AFDN: variants seen among roughly 807,000 people sequenced by gnomAD.
AFDN encodes the protein afadin.
A neutral mutation model predicts 216.6 loss-of-function variants in AFDN; 68 were observed. That is an observed-to-expected ratio of 0.31 (90% CI 0.26 to 0.38). The LOEUF (loss-of-function observed/expected upper bound fraction) is 0.38. AFDN is among the 10% of genes least tolerant of loss of function. The pLI is 1.00. For synonymous variants in AFDN, 868 were observed against 853.7 expected, an observed-to-expected ratio of 1.02 and a Z score of -0.29; for missense variants, 2,136 against 2,342.0, an observed-to-expected ratio of 0.91 and a Z score of 1.82.
intron 23 of AFDN, among the ~76,000 whole-genome samples, chr6:167,928,316 G>GA (rs1792833940): frequency 6.6e-6 from 1 of 152,182 alleles, no homozygotes; most frequent in Non-Finnish European, 1.5e-5. Context: ...GTTTGTCTCT[G>GA]AATTTTGACC....
Position 167,875,318 on chromosome 6 carries a change from A to T in AFDN, c.579-17A>T. 1 of 1,570,958 alleles carries T rather than the reference A, an allele frequency of 6.4e-7. No homozygotes were observed. The highest frequency in any genetic ancestry group is 8.7e-7 in the Non-Finnish European group (1 of 1,156,052). On this transcript the variant is annotated splice_polypyrimidine_tract_variant and intron_variant, in intron 4 of 33. Transcript: ENST00000683244. The stretch of plus-strand genomic sequence containing the variant: ...AAACAGTGTTTAAAATATTTTTGGT[A>T]TTTTTTTTTCTTACAGTGAAAATTC...
At chr6:167,869,735 A>G (rs1784591820) in intron 2 of AFDN, among the ~76,000 whole-genome samples, 1 of 152,208 alleles carries the variant, frequency 6.6e-6, no homozygotes, top group Admixed American at 6.5e-5. Flanking sequence ...TCCGTGGAGT[A>G]CCATGTTCCT....
At chr6:167,879,548 C>T (rs951015688) in intron 5 of AFDN, among the ~76,000 whole-genome samples, 8 of 152,228 alleles carry the variant, frequency 5.3e-5, no homozygotes, top group Non-Finnish European at 1.2e-4. Context: ...CCCTCAGTAT[C>T]CTTCCATCTG....
In AFDN at chr6:167,962,324, C is replaced by CTG. The variant is rs898938916; in HGVS notation, c.4834-97_4834-96dup. On this transcript the variant is annotated intron_variant, in intron 30 of 33. Transcript: ENST00000683244. This position sits in a 1 kb window ranked among gnomAD's most constrained non-coding sequence, Gnocchi z 5.2. ...AACCTGGTATTTTATATTTAACTTT[C>CTG]TGTGTGTGTGTGTTTGTGTATATGT... 59 of 1,350,620 alleles carry CTG rather than the reference C, an allele frequency of 4.4e-5. No homozygotes were observed. Among genetic ancestry groups the CTG allele is most frequent in the Non-Finnish European group, 4.9e-5 (50 of 1,012,792 alleles). The allele number at this position is 1,350,620 out of a possible 1,614,324, so 83.7% of individuals were successfully genotyped here.
At chr6:167,907,082 C>T (rs1789789316) in intron 12 of AFDN, 89 bp from the exon 13 acceptor site, 7 of 928,220 alleles carry the variant, frequency 7.5e-6, no homozygotes, top group African/African-American at 1.6e-5. Context: ...CTTGGCAGCC[C>T]TGTATCAGAT....
intron 30 of AFDN, chr6:167,954,622 T>A (rs909445601): frequency 1.7e-6 from 1 of 602,140 alleles, no homozygotes; most frequent in Non-Finnish European, 2.7e-6. Context: ...GGAGATGGAG[T>A]CCCTGACACT....
chr6:167,852,422 C>T (rs2128182670), intron 1 of AFDN, among the ~76,000 whole-genome samples: 1 of 152,278 alleles, frequency 6.6e-6, no homozygotes, highest in African/African-American at 2.4e-5. Flanking sequence ...ACATGTTTCT[C>T]TAGCTTTAAA....
intron 5 of AFDN, among the ~76,000 whole-genome samples, chr6:167,877,493 G>A (rs1785522005): frequency 2.0e-5 from 3 of 152,108 alleles, no homozygotes; most frequent in Non-Finnish European, 4.4e-5. Context: ...GAACATCAAA[G>A]TACAGCTTGT....
chr6:167,923,917 G>GTAATTA lies in AFDN; in HGVS notation c.3012+958_3012+959insTAATTA, dbSNP rs1792155269. 7.9e-5 allele frequency among the ~76,000 whole-genome samples: 12 copies of GTAATTA among 151,934 alleles called. No individual in the cohort carries two copies. In the South Asian group the frequency reaches 2.5e-3, roughly 32 times the overall value. ...TGGGATTACAGGCATGAGCCACCTC[G>GTAATTA]CCCGGCCCCTAATACTTTTTATTGA... is the stretch of plus-strand genomic sequence containing the variant. On this transcript the variant is annotated intron_variant, in intron 22 of 33. Coordinates refer to ENST00000683244, the MANE Select transcript of AFDN (RefSeq NM_001386888.1).
At chr6:167,917,678 C>T (rs1258596414) in intron 20 of AFDN, among the ~76,000 whole-genome samples, 1 of 152,142 alleles carries the variant, frequency 6.6e-6, no homozygotes, top group Admixed American at 6.5e-5. Flanking sequence ...TAGTATCTAC[C>T]ACTGTTAGCT....
At chr6:167,876,908 A>G (rs1785453958) in intron 5 of AFDN, among the ~76,000 whole-genome samples, 1 of 152,170 alleles carries the variant, frequency 6.6e-6, no homozygotes, top group Non-Finnish European at 1.5e-5. Context: ...AAGCTGTTGA[A>G]GAGTTTTAAG....
At chr6:167,960,464 G>A (rs1796929593) in intron 30 of AFDN, among the ~76,000 whole-genome samples, 1 of 152,174 alleles carries the variant, frequency 6.6e-6, no homozygotes, top group South Asian at 2.1e-4. Flanking sequence ...CTATCATTGT[G>A]TAACACTTTC....
At chr6:167,952,594 A>C (rs1583032219) in intron 30 of AFDN, 1 of 696,096 alleles carries the variant, frequency 1.4e-6, no homozygotes. Context: ...GTCTCTGGCA[A>C]CCCCCAGCTC....
At chr6:167,918,441 T>C (rs1791378450) in intron 20 of AFDN, among the ~76,000 whole-genome samples, 1 of 152,206 alleles carries the variant, frequency 6.6e-6, no homozygotes, top group Non-Finnish European at 1.5e-5. Context: ...AAGAAACTTC[T>C]TGTGATTGAA....
intron 30 of AFDN, chr6:167,952,481 A>C: frequency 1.0e-6 from 1 of 985,462 alleles, no homozygotes; most frequent in Non-Finnish European, 1.2e-6. Context: ...CTTCCAGTTG[A>C]GAAAACAAGT....
At chr6:167,917,990 C>T (rs965969873) in intron 20 of AFDN, among the ~76,000 whole-genome samples, 10 of 152,174 alleles carry the variant, frequency 6.6e-5, no homozygotes, top group African/African-American at 2.4e-4. Flanking sequence ...ACTTTAGGAA[C>T]AGTCAAAATC....
intron 23 of AFDN, among the ~76,000 whole-genome samples, chr6:167,933,016 C>G (rs868526985): frequency 6.6e-6 from 1 of 152,232 alleles, no homozygotes. Context: ...GATATTTCAT[C>G]CTGCTGGGTA....
In AFDN at chr6:167,951,036, A is replaced by T; in HGVS notation, c.3832-150A>T. On this transcript the variant is annotated intron_variant, in intron 29 of 33. Transcript: ENST00000683244. The surrounding 1 kb of genome is among the most constrained non-coding windows in gnomAD (Gnocchi z 7.1). ...ACACAGATAAATGCACTGTTACTCC[A>T]CATTAGCCAATGAGCCTTGTAGGGC... The T allele has an allele frequency of 8.3e-7, 1 of 1,201,602 alleles. No individual in the cohort carries two copies. Among genetic ancestry groups the T allele is most frequent in the Non-Finnish European group, 1.1e-6 (1 of 900,332 alleles). The allele number at this position is 1,201,602 out of a possible 1,614,324, so 74.4% of individuals were successfully genotyped here.
At position 167,966,060 on chromosome 6, in the gene AFDN, T is replaced by G; in HGVS notation, c.5257+15T>G. 1.3e-6 allele frequency: 2 copies of G among 1,541,362 alleles called. No homozygotes were observed. Among genetic ancestry groups the G allele is most frequent in the Non-Finnish European group, 1.7e-6 (2 of 1,146,892 alleles). On this transcript the variant is annotated intron_variant, in intron 32 of 33. Transcript: ENST00000683244. ...CAGCCTAGCAGGTCAGGATAAGTACTCCAGCACAAGAAAGTCTCATGGGGA... is the reference window on the plus strand; with the variant it reads ...CAGCCTAGCAGGTCAGGATAAGTACGCCAGCACAAGAAAGTCTCATGGGGA...
Sources: allele counts gnomAD v4.1 joint callset (sites outside exome capture counted in the v4.1 genomes callset), GRCh38; gene constraint gnomAD v4.1.1; non-coding constraint Gnocchi (gnomAD v3.1); transcripts MANE v1.5; gene names NCBI Gene and HGNC (gene_info 2026-07-23, HGNC 2026-07-21).